Variants in MACROD2 observed in about 807,000 individuals in gnomAD.
The protein encoded by MACROD2 is ADP-ribose glycohydrolase MACROD2.
In MACROD2, 36 loss-of-function variants were observed where a neutral mutation model predicts 70.4. The ratio of observed to expected loss-of-function variants is 0.51; its 90% CI spans 0.39 to 0.68. The LOEUF (loss-of-function observed/expected upper bound fraction) is 0.68. Among genes scored for constraint, MACROD2 ranks in the 30% least tolerant of loss-of-function variants. MACROD2 has a pLI of 0.00. For synonymous variants in MACROD2, 172 were observed against 178.8 expected, an observed-to-expected ratio of 0.96 and a Z score of 0.30; for missense variants, 496 against 538.4, an observed-to-expected ratio of 0.92 and a Z score of 0.78.
chr20:14,436,070 T>C (rs1190899181), intron 3 of MACROD2, among the ~76,000 whole-genome samples: 1 of 152,032 alleles, frequency 6.6e-6, no homozygotes, highest in Admixed American at 6.5e-5. Flanking sequence ...AGCCAGAACA[T>C]ACACAATACA....
At chr20:14,334,759 G>T (rs909809729) in intron 3 of MACROD2, among the ~76,000 whole-genome samples, 1 of 151,780 alleles carries the variant, frequency 6.6e-6, no homozygotes, top group African/African-American at 2.4e-5. Flanking sequence ...TTTATTTATG[G>T]TAGTCTTCAT....
chr20:15,883,124 C>T (rs1316769956), intron 9 of MACROD2, among the ~76,000 whole-genome samples: 1 of 151,662 alleles, frequency 6.6e-6, no homozygotes, highest in Non-Finnish European at 1.5e-5. Context: ...GCCTTGTACA[C>T]AATAGGCTAA....
chr20:14,690,143 A>G (rs997154746), intron 5 of MACROD2, among the ~76,000 whole-genome samples: 1 of 152,150 alleles, frequency 6.6e-6, no homozygotes, highest in Non-Finnish European at 1.5e-5. Flanking sequence ...CATAGCTCAC[A>G]TGTCTATTTT....
chr20:15,336,276 A>T lies in MACROD2; in HGVS notation c.541-95129A>T, dbSNP rs933153267. 4.6e-5 allele frequency among the ~76,000 whole-genome samples: 7 copies of T among 151,438 alleles called. 1 individual carries two copies. The highest frequency in any genetic ancestry group is 7.4e-5 in the African/African-American group (3 of 40,800). On this transcript the variant is annotated intron_variant, in intron 6 of 17. Transcript: ENST00000684519. Reference sequence around the variant, plus strand: ...GAAGCTCAGTAGGTGGAGGCTTAATAAACTGTTTTTTGGATTGATGGTATG... The same window carrying T: ...GAAGCTCAGTAGGTGGAGGCTTAATTAACTGTTTTTTGGATTGATGGTATG...
At chr20:14,703,360 C>G (rs549800385) in intron 5 of MACROD2, among the ~76,000 whole-genome samples, 31 of 152,100 alleles carry the variant, frequency 2.0e-4, no homozygotes, top group Non-Finnish European at 4.1e-4. Flanking sequence ...CAAAGTCACG[C>G]AGGAATATTT....
intron 3 of MACROD2, among the ~76,000 whole-genome samples, chr20:14,374,829 A>G (rs2083357219): frequency 1.3e-5 from 2 of 152,160 alleles, no homozygotes; most frequent in South Asian, 4.1e-4. Flanking sequence ...ACCGAAAAAA[A>G]CAAGCTTTTT....
chr20:14,282,575 T>A (rs2082314727), intron 3 of MACROD2, among the ~76,000 whole-genome samples: 1 of 152,202 alleles, frequency 6.6e-6, no homozygotes, highest in African/African-American at 2.4e-5. Flanking sequence ...CGGCCATTCT[T>A]GGATTGCTTT....
intron 8 of MACROD2, among the ~76,000 whole-genome samples, chr20:15,607,037 T>G (rs1335900132): frequency 3.4e-5 from 5 of 148,782 alleles, no homozygotes; most frequent in African/African-American, 1.2e-4. Context: ...AAACTAAGAC[T>G]GGGCATGGTG....
intron 8 of MACROD2, among the ~76,000 whole-genome samples, chr20:15,579,953 A>G (rs2048501224): frequency 6.6e-6 from 1 of 152,230 alleles, no homozygotes; most frequent in Admixed American, 6.5e-5. Context: ...GGTGGTAATT[A>G]TGAGTACTTG....
At chr20:14,333,342 C>T (rs1387010615) in intron 3 of MACROD2, among the ~76,000 whole-genome samples, 1 of 152,156 alleles carries the variant, frequency 6.6e-6, no homozygotes, top group Non-Finnish European at 1.5e-5. Context: ...TTTATTTTGA[C>T]TTGTAAAGTT....
intron 4 of MACROD2, among the ~76,000 whole-genome samples, chr20:14,558,063 A>G (rs548251312): frequency 6.6e-6 from 1 of 151,946 alleles, no homozygotes; most frequent in African/African-American, 2.4e-5. Flanking sequence ...GATACAAGAC[A>G]AATGAACTTT....
chr20:14,881,735 A>G (rs1016791119), intron 5 of MACROD2, among the ~76,000 whole-genome samples: 1 of 152,126 alleles, frequency 6.6e-6, no homozygotes, highest in African/African-American at 2.4e-5. Context: ...AACATTCCTC[A>G]GGAGTTCTGG....
intron 8 of MACROD2, among the ~76,000 whole-genome samples, chr20:15,844,306 T>C (rs1185909184): frequency 6.6e-6 from 1 of 152,042 alleles, no homozygotes. Context: ...AAGCTTATAA[T>C]CCAGGTGGGA....
chr20:15,603,342 A>AT (rs201093975), intron 8 of MACROD2, among the ~76,000 whole-genome samples: 1 of 147,352 alleles, frequency 6.8e-6, no homozygotes, highest in Non-Finnish European at 1.5e-5. Flanking sequence ...TACTAAAAAT[A>AT]TTTAAAAAAA....
intron 6 of MACROD2, among the ~76,000 whole-genome samples, chr20:15,378,180 C>A (rs1335735824): frequency 2.0e-5 from 2 of 102,210 alleles, no homozygotes; most frequent in African/African-American, 7.4e-5. Flanking sequence ...GAGAAAGGAA[C>A]CCAAAGTCCT....
chr20:15,024,881 C>T (rs34814481), intron 5 of MACROD2, among the ~76,000 whole-genome samples: 3,569 of 152,112 alleles, frequency 0.023, 72 homozygotes, highest in Non-Finnish European at 0.033. Context: ...GGAAATGAGC[C>T]CCTGTCTAAG....
chr20:15,804,974 TC>T (rs2063755940), intron 8 of MACROD2, among the ~76,000 whole-genome samples: 1 of 152,192 alleles, frequency 6.6e-6, no homozygotes. Context: ...TCCCAGAGCT[TC>T]CCAGTAAGAT....
chr20:14,875,525 G>A (rs2066677849), intron 5 of MACROD2, among the ~76,000 whole-genome samples: 1 of 151,958 alleles, frequency 6.6e-6, no homozygotes, highest in South Asian at 2.1e-4. Flanking sequence ...AGATTTGGGG[G>A]GTTCGTTACA....
intron 5 of MACROD2, among the ~76,000 whole-genome samples, chr20:14,738,962 A>C (rs1025818670): frequency 6.6e-6 from 1 of 152,050 alleles, no homozygotes; most frequent in Non-Finnish European, 1.5e-5. Flanking sequence ...ATAAAAATAC[A>C]CAAGTGGAAT....
Sources: gnomAD v4.1 joint callset for allele counts (sites outside exome capture counted in the v4.1 genomes callset) on GRCh38, gnomAD v4.1.1 for gene constraint, MANE v1.5 for transcripts, NCBI Gene and HGNC (gene_info 2026-07-23, HGNC 2026-07-21) for gene names.